R3HDM1: variants seen among roughly 807,000 people sequenced by gnomAD.
R3HDM1 encodes the protein R3H domain-containing protein 1.
R3HDM1 carries 46 observed loss-of-function variants against 141.1 expected under a neutral mutation model. That is an observed-to-expected ratio of 0.33 (90% CI 0.26 to 0.42). The LOEUF is 0.42. Among genes scored for constraint, R3HDM1 ranks in the 10% least tolerant of loss-of-function variants. The pLI is 1.00. For synonymous variants in R3HDM1, 435 were observed against 472.9 expected (o/e 0.92, Z 1.04); for missense variants, 1,184 against 1,368.3 (o/e 0.87, Z 2.12).
intron 16 of R3HDM1, among the ~76,000 whole-genome samples, chr2:135,647,036 C>T (rs976165240): frequency 3.9e-5 from 6 of 152,052 alleles, no homozygotes; most frequent in Non-Finnish European, 7.4e-5. Context: ...AATAATTGTA[C>T]TTCTGGCAAT....
intron 16 of R3HDM1, among the ~76,000 whole-genome samples, chr2:135,648,451 CTAACATTTT>C (rs2105269389): frequency 1.3e-5 from 2 of 152,180 alleles, no homozygotes; most frequent in South Asian, 4.2e-4. Context: ...ATTAGTTTAT[CTAACATTTT>C]TAAAGTATTG....
chr2:135,693,577 G>T (rs1157381112), intron 21 of R3HDM1, among the ~76,000 whole-genome samples: 6 of 152,148 alleles, frequency 3.9e-5, no homozygotes, highest in Non-Finnish European at 8.8e-5. Context: ...ATGTGGTAAA[G>T]TAAAAAGGAC....
chr2:135,683,196 T>A (rs1157076766), intron 21 of R3HDM1, among the ~76,000 whole-genome samples: 5 of 152,180 alleles, frequency 3.3e-5, no homozygotes, highest in African/African-American at 9.7e-5. Context: ...ATGTGTATTC[T>A]GTCAGACTCA....
intron 1 of R3HDM1, among the ~76,000 whole-genome samples, chr2:135,575,290 CT>C (rs1705142195): frequency 6.6e-6 from 1 of 152,226 alleles, no homozygotes; most frequent in Non-Finnish European, 1.5e-5. Flanking sequence ...TCAAGCAATT[CT>C]TCTGCCTCAG....
chr2:135,563,703 C>CT (rs956053893), intron 1 of R3HDM1, among the ~76,000 whole-genome samples: 9 of 152,278 alleles, frequency 5.9e-5, no homozygotes, highest in African/African-American at 2.2e-4. Flanking sequence ...TAAAAATAAG[C>CT]TAGCTATACA....
At chr2:135,531,800 G>C in intron 1 of R3HDM1, 167 bp downstream of exon 1, 1 of 985,402 alleles carries the variant, frequency 1.0e-6, no homozygotes, top group East Asian at 1.1e-4. Context: ...GCTTCAGCCA[G>C]GGCCTTCTGA....
chr2:135,655,154 T>C (rs886913136), intron 18 of R3HDM1, among the ~76,000 whole-genome samples: 1 of 152,214 alleles, frequency 6.6e-6, no homozygotes, highest in Non-Finnish European at 1.5e-5. Context: ...CTTTATGTTT[T>C]TAGCTCCTAG....
At chr2:135,604,441 A>G (rs1293947574) in intron 2 of R3HDM1, among the ~76,000 whole-genome samples, 1 of 152,114 alleles carries the variant, frequency 6.6e-6, no homozygotes, top group Non-Finnish European at 1.5e-5. Flanking sequence ...ATCACTCCAT[A>G]TTCTTTTTTT....
At chr2:135,654,344 A>G (rs1405596471) in intron 18 of R3HDM1, among the ~76,000 whole-genome samples, 1 of 152,140 alleles carries the variant, frequency 6.6e-6, no homozygotes, top group African/African-American at 2.4e-5. Context: ...ATTCATACTT[A>G]AAATGTATTC....
chr2:135,640,282 T>G (rs1356767566), intron 14 of R3HDM1, among the ~76,000 whole-genome samples: 1 of 152,214 alleles, frequency 6.6e-6, no homozygotes, highest in Admixed American at 6.5e-5. Context: ...ATAATATGGT[T>G]GTATTGAAAA....
intron 21 of R3HDM1, among the ~76,000 whole-genome samples, chr2:135,699,390 CAAGGGACAA>C (rs2073916643): frequency 6.6e-6 from 1 of 152,114 alleles, no homozygotes; most frequent in Admixed American, 6.5e-5. Context: ...TTTGCCTCTG[CAAGGGACAA>C]GAGAGAGAGT....
chr2:135,718,251 G>A (rs2076360981), intron 24 of R3HDM1, among the ~76,000 whole-genome samples: 1 of 152,190 alleles, frequency 6.6e-6, no homozygotes, highest in South Asian at 2.1e-4. Flanking sequence ...GGGGGTGGGG[G>A]AACAGGGTAT....
intron 1 of R3HDM1, chr2:135,576,938 CACA>C (rs1391368853): frequency 9.4e-5 from 24 of 256,486 alleles, no homozygotes; most frequent in Non-Finnish European, 1.3e-4. Context: ...GTGATGGCTA[CACA>C]ACTGTATGAA....
chr2:135,553,667 A>C (rs2104935658), intron 1 of R3HDM1, among the ~76,000 whole-genome samples: 1 of 152,222 alleles, frequency 6.6e-6, no homozygotes, highest in East Asian at 1.9e-4. Flanking sequence ...TATTCTGCTG[A>C]GGTTTTTGTA....
chr2:135,692,210 A>AT (rs1215045035), intron 21 of R3HDM1, among the ~76,000 whole-genome samples: 58 of 145,490 alleles, frequency 4.0e-4, no homozygotes, highest in Middle Eastern at 3.6e-3. Context: ...ACGCCCAGCC[A>AT]TTTTTTTTTT....
At chr2:135,644,918 C>T (rs1409334489) in intron 15 of R3HDM1, among the ~76,000 whole-genome samples, 2 of 152,060 alleles carry the variant, frequency 1.3e-5, no homozygotes, top group African/African-American at 4.8e-5. Flanking sequence ...CCCATCTCTA[C>T]GAAAAATACA....
chr2:135,672,147 T>C (rs969945377), intron 19 of R3HDM1, among the ~76,000 whole-genome samples: 1 of 152,220 alleles, frequency 6.6e-6, no homozygotes, highest in Non-Finnish European at 1.5e-5. Context: ...GGCATCATTA[T>C]TTTTAATAGC....
intron 1 of R3HDM1, among the ~76,000 whole-genome samples, chr2:135,559,798 A>G (rs904369585): frequency 3.3e-5 from 5 of 152,212 alleles, no homozygotes; most frequent in Non-Finnish European, 5.9e-5. Context: ...AGAGCTCTTT[A>G]TGTTTTTGGA....
At chr2:135,572,577 A>G (rs917312969) in intron 1 of R3HDM1, among the ~76,000 whole-genome samples, 3 of 152,230 alleles carry the variant, frequency 2.0e-5, no homozygotes, top group Non-Finnish European at 4.4e-5. Flanking sequence ...ACCGTCCTAC[A>G]TTGCTCTTGG....
Sources: allele counts gnomAD v4.1 joint callset (sites outside exome capture counted in the v4.1 genomes callset), GRCh38; gene constraint gnomAD v4.1.1; transcripts MANE v1.5; gene names NCBI Gene and HGNC (gene_info 2026-07-23, HGNC 2026-07-21).